The following ANKS1B variants were observed in gnomAD, a reference collection of about 807,000 sequenced individuals.
ANKS1B encodes the protein ankyrin repeat and sterile alpha motif domain-containing protein 1B.
ANKS1B carries 36 observed loss-of-function variants against 148.3 expected under a neutral mutation model. The ratio of observed to expected loss-of-function variants is 0.24; its 90% CI spans 0.19 to 0.32. The LOEUF (loss-of-function observed/expected upper bound fraction) is 0.32. ANKS1B is among the 10% of genes least tolerant of loss of function. The probability of loss-of-function intolerance (pLI) is 1.00; values close to 1 mark genes in which losing one functional copy is unlikely to be tolerated. For synonymous variants in ANKS1B, 542 were observed against 560.8 expected (o/e 0.97, Z 0.47); for missense variants, 1,157 against 1,542.6 (o/e 0.75, Z 4.19).
At chr12:99,690,021 A>G (rs764192028) in intron 8 of ANKS1B, among the ~76,000 whole-genome samples, 8 of 152,188 alleles carry the variant, frequency 5.3e-5, no homozygotes, top group Non-Finnish European at 1.2e-4. Flanking sequence ...GGGAGGCCTC[A>G]GGAAACTTAC....
chr12:99,240,509 G>A (rs533154937), intron 14 of ANKS1B, among the ~76,000 whole-genome samples: 1 of 152,246 alleles, frequency 6.6e-6, no homozygotes, highest in East Asian at 1.9e-4. Context: ...ATCAATAAGA[G>A]AGAAAGTTAA....
chr12:99,517,455 C>T (rs768094214), intron 9 of ANKS1B, among the ~76,000 whole-genome samples: 1 of 151,706 alleles, frequency 6.6e-6, no homozygotes, highest in Non-Finnish European at 1.5e-5. Flanking sequence ...TGGTGGCTCA[C>T]ACCTGTAATC....
At chr12:99,403,293 A>T (rs1197781141) in intron 11 of ANKS1B, among the ~76,000 whole-genome samples, 1 of 138,526 alleles carries the variant, frequency 7.2e-6, no homozygotes, top group African/African-American at 2.8e-5. Flanking sequence ...AGTAGCTGGG[A>T]TTACAGGCAA....
At chr12:99,728,836 G>C (rs913692998) in intron 8 of ANKS1B, among the ~76,000 whole-genome samples, 16 of 152,284 alleles carry the variant, frequency 1.1e-4, no homozygotes, top group Non-Finnish European at 2.2e-4. Flanking sequence ...GATGAAGCTG[G>C]AAGCCATCCT....
At chr12:98,755,453 C>T (rs908871867) in intron 25 of ANKS1B, among the ~76,000 whole-genome samples, 14 of 152,170 alleles carry the variant, frequency 9.2e-5, no homozygotes, top group Admixed American at 4.6e-4. Flanking sequence ...GGGAGGCCAA[C>T]GCCTGGTACT....
At chr12:99,893,136 T>C (rs567589309) in intron 1 of ANKS1B, among the ~76,000 whole-genome samples, 2 of 151,792 alleles carry the variant, frequency 1.3e-5, no homozygotes, top group African/African-American at 2.4e-5. Context: ...ATAGGCCGGG[T>C]GCAGTGGCTC....
intron 4 of ANKS1B, among the ~76,000 whole-genome samples, chr12:99,786,317 T>C (rs1375099577): frequency 6.6e-6 from 1 of 152,048 alleles, no homozygotes; most frequent in African/African-American, 2.4e-5. Context: ...TTGGAACAGG[T>C]ATTTGTTCCA....
At chr12:99,548,737 C>T (rs1387619434) in intron 9 of ANKS1B, among the ~76,000 whole-genome samples, 1 of 151,998 alleles carries the variant, frequency 6.6e-6, no homozygotes, top group Non-Finnish European at 1.5e-5. Context: ...GTGCTCTTTG[C>T]CTTTGTTTTT....
At chr12:99,439,219 A>G (rs2095510191) in intron 11 of ANKS1B, among the ~76,000 whole-genome samples, 1 of 151,714 alleles carries the variant, frequency 6.6e-6, no homozygotes, top group Admixed American at 6.6e-5. Flanking sequence ...GAACGAGAAA[A>G]CTTCTAGAAA....
chr12:99,544,109 A>T (rs2097151751), intron 9 of ANKS1B, among the ~76,000 whole-genome samples: 1 of 152,090 alleles, frequency 6.6e-6, no homozygotes, highest in Non-Finnish European at 1.5e-5. Flanking sequence ...TAAGAAAAAG[A>T]AAAATAATAA....
intron 12 of ANKS1B, among the ~76,000 whole-genome samples, chr12:99,252,981 T>C (rs950714751): frequency 1.3e-5 from 2 of 152,050 alleles, no homozygotes; most frequent in African/African-American, 4.8e-5. Context: ...CCCAACAGTT[T>C]GGGAGGCCAA....
At chr12:98,890,141 T>C (rs2099749275) in intron 17 of ANKS1B, among the ~76,000 whole-genome samples, 1 of 152,104 alleles carries the variant, frequency 6.6e-6, no homozygotes, top group Admixed American at 6.5e-5. Context: ...GGTGGGTAAA[T>C]GGAGGGAGGG....
intron 9 of ANKS1B, among the ~76,000 whole-genome samples, chr12:99,654,844 AAAT>A (rs2098442371): frequency 6.6e-6 from 1 of 152,210 alleles, no homozygotes; most frequent in Non-Finnish European, 1.5e-5. Context: ...TAACCAAACT[AAAT>A]AATACTAATT....
chr12:98,752,956 T>C (rs912892065), intron 25 of ANKS1B, among the ~76,000 whole-genome samples: 14 of 152,188 alleles, frequency 9.2e-5, no homozygotes, highest in Non-Finnish European at 1.5e-5. Context: ...GCATTAGTCA[T>C]GCTGGTGTGG....
chr12:99,731,594 A>T (rs2059166508), intron 8 of ANKS1B, among the ~76,000 whole-genome samples: 1 of 152,176 alleles, frequency 6.6e-6, no homozygotes, highest in African/African-American at 2.4e-5. Context: ...TTTTTCAAAA[A>T]ATGGTTCTAG....
At chr12:99,314,733 G>A (rs530175969) in intron 12 of ANKS1B, among the ~76,000 whole-genome samples, 1 of 152,162 alleles carries the variant, frequency 6.6e-6, no homozygotes, top group South Asian at 2.1e-4. Context: ...AACTGAAATC[G>A]GAACCCTTCC....
At chr12:99,744,713 C>G (rs1261444619) in intron 8 of ANKS1B, among the ~76,000 whole-genome samples, 1 of 152,072 alleles carries the variant, frequency 6.6e-6, no homozygotes, top group Non-Finnish European at 1.5e-5. Context: ...TACTTCAGGC[C>G]AGGTGCGGTG....
At chr12:99,190,850 T>A (rs1179741943) in intron 14 of ANKS1B, among the ~76,000 whole-genome samples, 1 of 152,134 alleles carries the variant, frequency 6.6e-6, no homozygotes, top group Non-Finnish European at 1.5e-5. Flanking sequence ...AAATGGGATC[T>A]AATTAAACTA....
intron 11 of ANKS1B, among the ~76,000 whole-genome samples, chr12:99,429,024 A>ACCT (rs2152742483): frequency 2.0e-5 from 3 of 152,324 alleles, no homozygotes; most frequent in African/African-American, 7.2e-5. Flanking sequence ...ATAAAATAGG[A>ACCT]AACATGGGTC....
Sources: gnomAD v4.1 joint callset for allele counts (sites outside exome capture counted in the v4.1 genomes callset) on GRCh38, gnomAD v4.1.1 for gene constraint, MANE v1.5 for transcripts, NCBI Gene and HGNC (gene_info 2026-07-23, HGNC 2026-07-21) for gene names.